IGSF3: variants seen among roughly 807,000 people sequenced by gnomAD.
IGSF3 encodes the protein immunoglobulin superfamily member 3.
In IGSF3, 23 loss-of-function variants were observed where a neutral mutation model predicts 114.4. The ratio of observed to expected loss-of-function variants is 0.20; its 90% CI spans 0.14 to 0.28. IGSF3 has a LOEUF of 0.28. Ranked by LOEUF, IGSF3 falls within the 10% of genes least tolerant of loss-of-function variation. The probability of loss-of-function intolerance (pLI) is 1.00; values close to 1 mark genes in which losing one functional copy is unlikely to be tolerated. For synonymous variants in IGSF3, 571 were observed against 645.2 expected (o/e 0.88, Z 1.74); for missense variants, 1,172 against 1,591.5 (o/e 0.74, Z 4.48).
rs921352410 is a variant in IGSF3, at chr1:116,588,010, C to T, written c.2440+684G>A. 6.6e-6 allele frequency among the ~76,000 whole-genome samples: 1 copy of T among 152,184 alleles called. No individual in the cohort carries two copies. Among genetic ancestry groups the T allele is most frequent in the African/African-American group, 2.4e-5 (1 of 41,440 alleles). On this transcript the variant is annotated intron_variant, in intron 8 of 10. Transcript: ENST00000369486. The surrounding 1 kb of genome is among the most constrained non-coding windows in gnomAD (Gnocchi z 4.9). ...TTGAAAGGAAATGACGCAGACTTCT[C>T]TTTGGTTGTTCCAGGGGCAGATCTA...
Position 116,600,197 on chromosome 1 carries a change from C to G in IGSF3, c.1773G>C (p.Glu591Asp). 2 of 1,614,140 alleles carry G rather than the reference C, an allele frequency of 1.2e-6. No homozygotes were observed. The highest frequency in any genetic ancestry group is 1.7e-6 in the Non-Finnish European group (2 of 1,180,028). Residue 591 changes from glutamate (E) to aspartate (D), a missense_variant, in exon 7 of 11, where the codon GAG (glutamate) becomes GAC (aspartate). Coordinates refer to ENST00000369486, the MANE Select transcript of IGSF3 (RefSeq NM_001007237.3). This position sits in a 1 kb window ranked among gnomAD's most constrained non-coding sequence, Gnocchi z 5.5. ...GGGTGAAGGTCACCAAGTCATGGAA[C>G]TCCACCGTGCCCACCGGCTGGAACC... The part of the protein sequence containing the change: ...TWRFQPVGTV[E>D]FHDLVTFTRD...
Position 116,613,768 on chromosome 1 carries a change from T to C in IGSF3, c.829A>G (p.Thr277Ala). 6.2e-7 allele frequency: 1 copy of C among 1,613,004 alleles called. No individual in the cohort carries two copies. Among genetic ancestry groups the C allele is most frequent in the Non-Finnish European group, 8.5e-7 (1 of 1,179,042 alleles). ...CAAGAGGCTCAGAGGGACTGACCAGTTGGCTGGACGTTGACCACGGCTCCC... is the reference window on the plus strand; with the variant it reads ...CAAGAGGCTCAGAGGGACTGACCAGCTGGCTGGACGTTGACCACGGCTCCC... ...SEGAVVNVQP[T>A]DKEFTVRLET... Residue 277 changes from threonine (T) to alanine (A), a missense_variant, in exon 4 of 11, where the codon ACT (threonine) becomes GCT (alanine). Transcript: ENST00000369486.
chr1:116,602,550 AG>A (rs1391347355), intron 6 of IGSF3, among the ~76,000 whole-genome samples: 1 of 152,226 alleles, frequency 6.6e-6, no homozygotes, highest in Non-Finnish European at 1.5e-5. Flanking sequence ...GTCAATCTTT[AG>A]GATTAAGCTT....
Position 116,644,537 on chromosome 1 carries a change from G to A in IGSF3, c.43+21747C>T, listed in dbSNP as rs568292389. Reference sequence around the variant, plus strand: ...GCCAGGAGCCAGCATAGTAGGTGCCGTGAAAGCCAGGAAGCGAACTGCACA... The same window carrying A: ...GCCAGGAGCCAGCATAGTAGGTGCCATGAAAGCCAGGAAGCGAACTGCACA... On this transcript the variant is annotated intron_variant, in intron 2 of 10. Transcript: ENST00000369486. The surrounding 1 kb of genome is among the most constrained non-coding windows in gnomAD (Gnocchi z 5.6). 1.2e-4 allele frequency among the ~76,000 whole-genome samples: 18 copies of A among 152,238 alleles called. No homozygotes were observed. The highest frequency in any genetic ancestry group is 2.9e-4 in the African/African-American group (12 of 41,454).
In IGSF3 at chr1:116,581,996, T is replaced by A. The variant is rs534203106; in HGVS notation, c.2849-2119A>T. On this transcript the variant is annotated intron_variant, in intron 9 of 10. Transcript: ENST00000369486. ...GAACTTATCATGGCCAGGGGCAAGA[T>A]GGCCAGAGACCATCAGTTGAGCTCC... is the stretch of plus-strand genomic sequence containing the variant. Among the ~76,000 whole-genome samples the A allele has an allele frequency of 7.2e-5, 11 of 152,352 alleles. No homozygotes were observed. The South Asian group carries it at 2.3e-3, about 32-fold the overall frequency.
chr1:116,638,828 A>G lies in IGSF3; in HGVS notation c.44-22371T>C, dbSNP rs1233480237. Among the ~76,000 whole-genome samples the G allele has an allele frequency of 6.6e-6, 1 of 152,156 alleles. No homozygotes were observed. The highest frequency in any genetic ancestry group is 2.4e-5 in the African/African-American group (1 of 41,432). On this transcript the variant is annotated intron_variant, in intron 2 of 10. Coordinates refer to ENST00000369486, the MANE Select transcript of IGSF3 (RefSeq NM_001007237.3). This position sits in a 1 kb window ranked among gnomAD's most constrained non-coding sequence, Gnocchi z 4.1. ...ACAATGTTTAACCCTCACAACTACAACAGGAGGTGGGTACCATTCCATCCC... is the reference window on the plus strand; with the variant it reads ...ACAATGTTTAACCCTCACAACTACAGCAGGAGGTGGGTACCATTCCATCCC...
rs1326961305 is a variant in IGSF3 at position 116,651,374 on chromosome 1, A to T, written c.43+14910T>A. ...TCCAGACCCAAATACACATGCTCCC[A>T]CCTGAGGCTGGGAAATGTACCAAGA... On this transcript the variant is annotated intron_variant, in intron 2 of 10. Transcript: ENST00000369486. The surrounding 1 kb of genome is among the most constrained non-coding windows in gnomAD (Gnocchi z 4.4). Among the ~76,000 whole-genome samples the T allele has an allele frequency of 2.0e-5, 3 of 152,092 alleles. No individual in the cohort carries two copies. Among genetic ancestry groups the T allele is most frequent in the Admixed American group, 6.5e-5 (1 of 15,274 alleles).
intron 7 of IGSF3, among the ~76,000 whole-genome samples, chr1:116,599,247 T>G (rs1660469430): frequency 6.6e-6 from 1 of 152,232 alleles, no homozygotes; most frequent in African/African-American, 2.4e-5. Flanking sequence ...AGAATTTCCT[T>G]GTCTATGAAC....
intron 9 of IGSF3, among the ~76,000 whole-genome samples, 192 bp from the exon 10 acceptor site, chr1:116,580,069 G>A (rs960014586): frequency 6.6e-6 from 1 of 152,190 alleles, no homozygotes; most frequent in African/African-American, 2.4e-5. Flanking sequence ...ACAGAACAAT[G>A]TTACTGTCCA....
rs1003765147 is a variant in IGSF3, at chr1:116,584,442, T to G, written c.2848+203A>C. Reference sequence around the variant, plus strand: ...ATTCTATTTAAGAAATCAAATCACCTTAGGCCAAAGCCAGACGTGCAATTT... The same window carrying G: ...ATTCTATTTAAGAAATCAAATCACCGTAGGCCAAAGCCAGACGTGCAATTT... On this transcript the variant is annotated intron_variant, in intron 9 of 10. Transcript: ENST00000369486. This position sits in a 1 kb window ranked among gnomAD's most constrained non-coding sequence, Gnocchi z 5.8. 5 of 585,450 alleles carry G rather than the reference T, an allele frequency of 8.5e-6. No individual in the cohort carries two copies. In the African/African-American group the frequency reaches 9.3e-5, roughly 11 times the overall value. The allele number at this position is 585,450 out of a possible 1,614,324, so 36.3% of individuals were successfully genotyped here. A position where few individuals can be genotyped will look rare whatever the true frequency, so the allele number is the denominator to read the frequency against.
chr1:116,666,420 A>G lies in IGSF3; in HGVS notation c.-94T>C. 8.5e-7 allele frequency: 1 copy of G among 1,175,038 alleles called. No homozygotes were observed. The allele number at this position is 1,175,038 out of a possible 1,614,324, so 72.8% of individuals were successfully genotyped here. A position where few individuals can be genotyped will look rare whatever the true frequency, so the allele number is the denominator to read the frequency against. On this transcript the variant is annotated 5_prime_UTR_variant, in exon 2 of 11. Transcript: ENST00000369486. Reference sequence around the variant, plus strand: ...GGCAATCCACTTATAGCTCCAGAGAACAGTTTTGGAAATAGAACTTAACTC... The same window carrying G: ...GGCAATCCACTTATAGCTCCAGAGAGCAGTTTTGGAAATAGAACTTAACTC...
In IGSF3 at chr1:116,665,344, T is replaced by C. The variant is rs1649286066; in HGVS notation, c.43+940A>G. On this transcript the variant is annotated intron_variant, in intron 2 of 10. Transcript: ENST00000369486. The surrounding 1 kb of genome is among the most constrained non-coding windows in gnomAD (Gnocchi z 4.0). ...GGCAACAATCATAATCCCTTCTGAA[T>C]GCAGAGGACCGAGCCTTACAGAGAG... Among the ~76,000 whole-genome samples, 1 of 152,192 alleles carries C rather than the reference T, an allele frequency of 6.6e-6. No individual in the cohort carries two copies. Among genetic ancestry groups the C allele is most frequent in the Admixed American group, 6.5e-5 (1 of 15,282 alleles).
At chr1:116,653,379 C>T (rs1648715244) in intron 2 of IGSF3, among the ~76,000 whole-genome samples, 1 of 152,166 alleles carries the variant, frequency 6.6e-6, no homozygotes, top group African/African-American at 2.4e-5. Context: ...CTGATATATT[C>T]ACCATAAATA....
rs1571115550 is a variant in IGSF3, at chr1:116,583,051, T to A, written c.2848+1594A>T. Among the ~76,000 whole-genome samples the A allele has an allele frequency of 1.3e-5, 2 of 152,118 alleles. No individual in the cohort carries two copies. Among genetic ancestry groups the A allele is most frequent in the African/African-American group, 4.8e-5 (2 of 41,418 alleles). On this transcript the variant is annotated intron_variant, in intron 9 of 10. Coordinates refer to ENST00000369486, the MANE Select transcript of IGSF3 (RefSeq NM_001007237.3). The surrounding 1 kb of genome is among the most constrained non-coding windows in gnomAD (Gnocchi z 4.5). The stretch of plus-strand genomic sequence containing the variant: ...CAGTGTGGCAGGAGGGAAGCCTGGG[T>A]GGTCACTCTGCCTGCACCTGCTGGC...
rs554747032 is a variant in IGSF3 at position 116,605,337 on chromosome 1, T to C, written c.1223-1312A>G. On this transcript the variant is annotated intron_variant, in intron 5 of 10. Coordinates refer to ENST00000369486, the MANE Select transcript of IGSF3 (RefSeq NM_001007237.3). This position sits in a 1 kb window ranked among gnomAD's most constrained non-coding sequence, Gnocchi z 5.1. Reference sequence around the variant, plus strand: ...AACAAGCAGAAACAAAGACGAGCACTGAGCCTCCACATGTAGCTCTTATTA... The same window carrying C: ...AACAAGCAGAAACAAAGACGAGCACCGAGCCTCCACATGTAGCTCTTATTA... 3.3e-5 allele frequency among the ~76,000 whole-genome samples: 5 copies of C among 152,110 alleles called. No individual in the cohort carries two copies. The highest frequency in any genetic ancestry group is 1.2e-4 in the African/African-American group (5 of 41,504).
rs576325522 is a variant in IGSF3, at chr1:116,650,215, A to G, written c.43+16069T>C. Among the ~76,000 whole-genome samples, 1 of 152,204 alleles carries G rather than the reference A, an allele frequency of 6.6e-6. No individual in the cohort carries two copies. Among genetic ancestry groups the G allele is most frequent in the Non-Finnish European group, 1.5e-5 (1 of 68,034 alleles). ...GAAAATTCCAACTCAACTGGCTTCA[A>G]CAGTGAGGACAAAATGTATGGAGAT... On this transcript the variant is annotated intron_variant, in intron 2 of 10. Coordinates refer to ENST00000369486, the MANE Select transcript of IGSF3 (RefSeq NM_001007237.3). The surrounding 1 kb of genome is among the most constrained non-coding windows in gnomAD (Gnocchi z 5.0).
Position 116,657,112 on chromosome 1 carries a change from G to A in IGSF3, c.43+9172C>T, listed in dbSNP as rs1263580542. ...TAAGTGAAAATCAAGATTTCCTTTT[G>A]GGGGCGTTATACAAAAAAGACTGTA... On this transcript the variant is annotated intron_variant, in intron 2 of 10. Coordinates refer to ENST00000369486, the MANE Select transcript of IGSF3 (RefSeq NM_001007237.3). This position sits in a 1 kb window ranked among gnomAD's most constrained non-coding sequence, Gnocchi z 4.2. 1.3e-5 allele frequency among the ~76,000 whole-genome samples: 2 copies of A among 152,004 alleles called. No individual in the cohort carries two copies. Among genetic ancestry groups the A allele is most frequent in the East Asian group, 3.9e-4 (2 of 5,194 alleles).
rs1648526479 is a variant in IGSF3 at position 116,649,204 on chromosome 1, C to T, written c.43+17080G>A. Among the ~76,000 whole-genome samples, 1 of 152,212 alleles carries T rather than the reference C, an allele frequency of 6.6e-6. No homozygotes were observed. Among genetic ancestry groups the T allele is most frequent in the Admixed American group, 6.5e-5 (1 of 15,282 alleles). ...GGCAGCCACACTTTCTGGCCCTAGCCCAAGGCTGCTGTGGCATGGAAGGAA... is the reference window on the plus strand; with the variant it reads ...GGCAGCCACACTTTCTGGCCCTAGCTCAAGGCTGCTGTGGCATGGAAGGAA... On this transcript the variant is annotated intron_variant, in intron 2 of 10. Transcript: ENST00000369486. This position sits in a 1 kb window ranked among gnomAD's most constrained non-coding sequence, Gnocchi z 4.5.
At chr1:116,621,525 T>C (rs1440691681) in intron 2 of IGSF3, among the ~76,000 whole-genome samples, 3 of 152,138 alleles carry the variant, frequency 2.0e-5, no homozygotes, top group African/African-American at 7.2e-5. Context: ...AGTATCCAGT[T>C]AAGATGTTAC....
Sources: gnomAD v4.1 joint callset for allele counts (sites outside exome capture counted in the v4.1 genomes callset) on GRCh38, gnomAD v4.1.1 for gene constraint, Gnocchi (gnomAD v3.1) non-coding constraint, MANE v1.5 for transcripts, NCBI Gene and HGNC (gene_info 2026-07-23, HGNC 2026-07-21) for gene names.